Variants in SLC9C2 observed in about 807,000 individuals in gnomAD.
The protein encoded by SLC9C2 is solute carrier family 9 member C2 (putative), also known as sodium/hydrogen exchanger 11.
In SLC9C2, 75 loss-of-function variants were observed where a neutral mutation model predicts 140.2. The ratio of observed to expected loss-of-function variants is 0.53; its 90% CI spans 0.44 to 0.65. SLC9C2 has a LOEUF of 0.65. SLC9C2 is among the 30% of genes least tolerant of loss of function. The pLI is 0.00. For missense variants in SLC9C2, 1,074 were observed against 1,331.8 expected, an observed-to-expected ratio of 0.81 and a Z score of 3.01; for synonymous variants, 375 against 420.9, an observed-to-expected ratio of 0.89 and a Z score of 1.34.
At chr1:173,539,459 T>A (rs1285734265) in intron 13 of SLC9C2, among the ~76,000 whole-genome samples, 1 of 152,180 alleles carries the variant, frequency 6.6e-6, no homozygotes, top group Non-Finnish European at 1.5e-5. Flanking sequence ...CAACCAATGG[T>A]CTAATTCACT....
At chr1:173,572,565 T>C (rs1664908897) in intron 9 of SLC9C2, among the ~76,000 whole-genome samples, 1 of 152,218 alleles carries the variant, frequency 6.6e-6, no homozygotes, top group African/African-American at 2.4e-5. Flanking sequence ...AGAATAAGGA[T>C]GCTCATGGAG....
chr1:173,517,179 A>G (rs1368680102), intron 23 of SLC9C2, among the ~76,000 whole-genome samples: 3 of 152,212 alleles, frequency 2.0e-5, no homozygotes, highest in Non-Finnish European at 1.5e-5. Flanking sequence ...AAACAAATAA[A>G]TATTCTTTAA....
chr1:173,528,486 C>G (rs970810393), intron 18 of SLC9C2, among the ~76,000 whole-genome samples: 1 of 152,158 alleles, frequency 6.6e-6, no homozygotes, highest in South Asian at 2.1e-4. Flanking sequence ...ATCAATCCAG[C>G]CTTTGAGTAG....
chr1:173,565,245 C>T (rs576099914), intron 9 of SLC9C2, among the ~76,000 whole-genome samples: 2 of 152,124 alleles, frequency 1.3e-5, no homozygotes, highest in African/African-American at 2.4e-5. Context: ...TCTTTGATTG[C>T]CTGCACTTGT....
intron 11 of SLC9C2, among the ~76,000 whole-genome samples, chr1:173,554,048 T>C (rs1321206627): frequency 1.3e-5 from 2 of 152,240 alleles, no homozygotes; most frequent in African/African-American, 2.4e-5. Context: ...TTATTATATT[T>C]ATGCATTTTA....
intron 23 of SLC9C2, among the ~76,000 whole-genome samples, chr1:173,511,018 C>T: frequency 7.4e-6 from 1 of 134,816 alleles, no homozygotes; most frequent in Non-Finnish European, 1.5e-5. Flanking sequence ...GATTTTTTTT[C>T]CTTTCTTTTC....
At chr1:173,557,281 G>C (rs1663773594) in intron 10 of SLC9C2, 59 bp downstream of exon 10, 1 of 1,511,176 alleles carries the variant, frequency 6.6e-7, no homozygotes. Flanking sequence ...TCTCTGACAA[G>C]TGGGCAAGAT....
At position 173,531,287 on chromosome 1, in the gene SLC9C2, G is replaced by A. The variant is rs116563638; in HGVS notation, c.2164-1233C>T. On this transcript the variant is annotated intron_variant, in intron 17 of 27. Transcript: ENST00000367714. ...GCATGCTAGACAGAAGGGATGACTAGTTCAGAACATTGCTGCCCACACTCT... is the reference window on the plus strand; with the variant it reads ...GCATGCTAGACAGAAGGGATGACTAATTCAGAACATTGCTGCCCACACTCT... Among the ~76,000 whole-genome samples, 465 of 152,334 alleles carry A rather than the reference G, an allele frequency of 3.1e-3. 1 individual carries two copies. Among genetic ancestry groups the A allele is most frequent in the African/African-American group, 0.01 (430 of 41,574 alleles).
intron 23 of SLC9C2, among the ~76,000 whole-genome samples, 185 bp from the exon 24 acceptor site, chr1:173,509,884 A>C (rs34931189): frequency 0.088 from 13,353 of 152,314 alleles, 819 homozygotes; most frequent in East Asian, 0.26. Flanking sequence ...ATAAGATGAT[A>C]AAATGTATGG....
chr1:173,531,361 G>T (rs1661573325), intron 17 of SLC9C2, among the ~76,000 whole-genome samples: 1 of 152,166 alleles, frequency 6.6e-6, no homozygotes, highest in Non-Finnish European at 1.5e-5. Context: ...AAGGAGTCAG[G>T]CTGGTGGGAT....
At chr1:173,548,594 G>C (rs750761781) in intron 11 of SLC9C2, 42 bp from the exon 12 acceptor site, 7 of 1,609,122 alleles carry the variant, frequency 4.4e-6, no homozygotes, top group East Asian at 4.5e-5. Context: ...AGAGTACAGT[G>C]AGGACTGCAA....
Position 173,568,859 on chromosome 1 carries a change from A to G in SLC9C2, c.1046+4323T>C, listed in dbSNP as rs577514665. On this transcript the variant is annotated intron_variant, in intron 9 of 27. Transcript: ENST00000367714. ...GTTTACCCACCACAATTACAGTGTCATAGTATTCTATGTTTTTGTGTGTAC... is the reference window on the plus strand; with the variant it reads ...GTTTACCCACCACAATTACAGTGTCGTAGTATTCTATGTTTTTGTGTGTAC... Among the ~76,000 whole-genome samples the G allele has an allele frequency of 1.4e-3, 215 of 152,316 alleles. 1 individual carries two copies. The South Asian group carries it at 0.021, about 15-fold the overall frequency.
chr1:173,524,943 T>C lies in SLC9C2; in HGVS notation c.2366-16A>G. The C allele has an allele frequency of 1.2e-6, 2 of 1,611,648 alleles. No homozygotes were observed. The highest frequency in any genetic ancestry group is 1.3e-5 in the African/African-American group (1 of 74,912). On this transcript the variant is annotated splice_polypyrimidine_tract_variant and intron_variant, in intron 19 of 27. Coordinates refer to ENST00000367714, the MANE Select transcript of SLC9C2 (RefSeq NM_178527.4). The stretch of plus-strand genomic sequence containing the variant: ...TCCATGAGTACTACAGCAAAGAAAA[T>C]AAAATTCAGTAAGTGGCCTATGCAA...
At chr1:173,581,773 C>A in intron 7 of SLC9C2, 74 bp downstream of exon 7, 1 of 1,287,202 alleles carries the variant, frequency 7.8e-7, no homozygotes, top group Non-Finnish European at 1.0e-6. Flanking sequence ...CAACTGGATT[C>A]AAGATCAGGA....
At chr1:173,559,958 C>T (rs533335083) in intron 9 of SLC9C2, among the ~76,000 whole-genome samples, 184 of 152,302 alleles carry the variant, frequency 1.2e-3, no homozygotes, top group African/African-American at 4.3e-3. Flanking sequence ...CCATCATCTT[C>T]ACCATGGCAT....
rs77489322 is a variant in SLC9C2, at chr1:173,601,679, G to A, written c.98C>T (p.Thr33Met). ...DYLVEEKHFT[T>M]LVCFIVVLGG... ...CAAAACAACAATGAAGCATACAAGC[G>A]TTGTGAAATGTTTCTCTTCAACAAG... Residue 33 changes from threonine (T) to methionine (M), a missense_variant, in exon 2 of 28, where the codon ACG (threonine) becomes ATG (methionine). Physicochemically the swap from Thr to Met is moderately conservative, Grantham distance 81. Transcript: ENST00000367714. The A allele has an allele frequency of 3.0e-3, 4,842 of 1,613,970 alleles. 118 individuals carry two copies. In the African/African-American group the frequency reaches 0.058, roughly 19 times the overall value.
At chr1:173,554,434 A>G (rs765083082) in intron 11 of SLC9C2, among the ~76,000 whole-genome samples, 64 of 152,214 alleles carry the variant, frequency 4.2e-4, no homozygotes, top group Non-Finnish European at 2.2e-4. Flanking sequence ...AATCAAAGGA[A>G]AGGAACGTGG....
At chr1:173,526,587 A>G in intron 19 of SLC9C2, 76 bp downstream of exon 19, 2 of 1,271,184 alleles carry the variant, frequency 1.6e-6, no homozygotes, top group South Asian at 2.6e-5. Flanking sequence ...AAATGAAAGC[A>G]TGAATTGTTC....
intron 13 of SLC9C2, among the ~76,000 whole-genome samples, chr1:173,545,325 C>A (rs1662766067): frequency 6.6e-6 from 1 of 152,218 alleles, no homozygotes; most frequent in Non-Finnish European, 1.5e-5. Context: ...TATAAATAAA[C>A]CTCCCAGTTT....
Sources: allele counts gnomAD v4.1 joint callset (sites outside exome capture counted in the v4.1 genomes callset), GRCh38; gene constraint gnomAD v4.1.1; transcripts MANE v1.5; gene names NCBI Gene and HGNC (gene_info 2026-07-23, HGNC 2026-07-21).